The following RNASE2 variants were observed in gnomAD, a reference collection of about 807,000 sequenced individuals.
The protein encoded by RNASE2 is ribonuclease A family member 2.
For missense variants in RNASE2, 170 were observed against 197.9 expected, an observed-to-expected ratio of 0.86 and a Z score of 0.85; for synonymous variants, 67 against 68.9, an observed-to-expected ratio of 0.97 and a Z score of 0.13.
At position 20,955,788 on chromosome 14, in the gene RNASE2, T is replaced by C. The variant is rs1223781670; in HGVS notation, c.17T>C (p.Phe6Ser). 3 of 1,611,036 alleles carry C rather than the reference T, an allele frequency of 1.9e-6. No individual in the cohort carries two copies. The African/African-American group carries it at 4.0e-5, about 22-fold the overall frequency. MVPKL[F>S]TSQICLLLLL... ...ACAGGAAACATGGTTCCAAAACTGTTCACTTCCCAAATTTGTCTGCTTCTT... is the reference window on the plus strand; with the variant it reads ...ACAGGAAACATGGTTCCAAAACTGTCCACTTCCCAAATTTGTCTGCTTCTT... Residue 6 changes from phenylalanine (F) to serine (S), a missense_variant, in exon 2 of 2, where the codon TTC becomes TCC. By Grantham distance (155) the Phe-to-Ser change is radical. Coordinates refer to ENST00000304625, the MANE Select transcript of RNASE2 (RefSeq NM_002934.3).
chr14:20,956,341 G>C lies in RNASE2; in HGVS notation c.*84G>C. The C allele has an allele frequency of 1.9e-6, 3 of 1,557,562 alleles. No individual in the cohort carries two copies. Among genetic ancestry groups the C allele is most frequent in the Non-Finnish European group, 2.6e-6 (3 of 1,150,506 alleles). ...AGATCCCATCTCTCCATATACTTTGGGTATCAGCATCTGTCCTCATCAGTC... is the reference window on the plus strand; with the variant it reads ...AGATCCCATCTCTCCATATACTTTGCGTATCAGCATCTGTCCTCATCAGTC... On this transcript the variant is annotated 3_prime_UTR_variant, in exon 2 of 2. Transcript: ENST00000304625.
rs767324694 is a variant in RNASE2, at chr14:20,956,174, A to G, written c.403A>G (p.Ile135Val). The change falls in exon 2 of 2, where the codon ATA becomes GTA. Residue 135 changes from isoleucine to valine, a missense_variant. Ile to Val is a conservative substitution (Grantham distance 29). Coordinates refer to ENST00000304625, the MANE Select transcript of RNASE2 (RefSeq NM_002934.3). ...GCAGACACCAGCAAACATGTTCTAT[A>G]TAGTTGCATGTGACAACAGAGATCA... ...YAQTPANMFY[I>V]VACDNRDQRR... The G allele has an allele frequency of 6.2e-7, 1 of 1,614,164 alleles. No individual in the cohort carries two copies.
chr14:20,955,552 C>T lies in RNASE2; in HGVS notation c.-6+16C>T. 3.3e-6 allele frequency: 2 copies of T among 602,868 alleles called. No individual in the cohort carries two copies. The highest frequency in any genetic ancestry group is 5.7e-6 in the Non-Finnish European group (2 of 352,502). The allele number at this position is 602,868 out of a possible 1,614,324, so 37.3% of individuals were successfully genotyped here. A position where few individuals can be genotyped will look rare whatever the true frequency, so the allele number is the denominator to read the frequency against. Reference sequence around the variant, plus strand: ...CGGAGACTGGGTAAGTCAACGATCCCCAGAGCTGGGACAGAAGGGGCAGCA... The same window carrying T: ...CGGAGACTGGGTAAGTCAACGATCCTCAGAGCTGGGACAGAAGGGGCAGCA... On this transcript the variant is annotated intron_variant, in intron 1 of 1. Coordinates refer to ENST00000304625, the MANE Select transcript of RNASE2 (RefSeq NM_002934.3).
Position 20,955,990 on chromosome 14 carries a change from A to C in RNASE2, c.219A>C (p.Thr73=). The C allele has an allele frequency of 3.1e-6, 5 of 1,614,192 alleles. No individual in the cohort carries two copies. Among genetic ancestry groups the C allele is most frequent in the Non-Finnish European group, 4.2e-6 (5 of 1,180,036 alleles). ...RCKNQNTFLL[T]TFANVVNVCG... ...AAAACCAAAATACTTTCCTTCTTAC[A>C]ACTTTTGCTAACGTAGTTAATGTTT... Residue 73 remains threonine, a synonymous_variant, in exon 2 of 2, where the codon ACA becomes ACC. Transcript: ENST00000304625.
At chr14:20,955,618 C>T (rs1317202939) in intron 1 of RNASE2, 82 bp downstream of exon 1, 1 of 998,534 alleles carries the variant, frequency 1.0e-6, no homozygotes, top group East Asian at 2.4e-5. Flanking sequence ...GACGTTAGTG[C>T]TTAGGAGACG....
chr14:20,956,054 C>G lies in RNASE2; in HGVS notation c.283C>G (p.Arg95Gly). ...TATGACCTGTCCTAGTAACAAAACTCGCAAAAATTGTCACCACAGTGGAAG... is the reference window on the plus strand; with the variant it reads ...TATGACCTGTCCTAGTAACAAAACTGGCAAAAATTGTCACCACAGTGGAAG... ...PNMTCPSNKT[R>G]KNCHHSGSQV... The change falls in exon 2 of 2, where the codon CGC (arginine) becomes GGC (glycine). Residue 95 changes from arginine (R) to glycine (G), a missense_variant. Transcript: ENST00000304625. The G allele has an allele frequency of 6.2e-7, 1 of 1,614,188 alleles. No individual in the cohort carries two copies. The highest frequency in any genetic ancestry group is 8.5e-7 in the Non-Finnish European group (1 of 1,180,038).
chr14:20,955,871 T>G lies in RNASE2; in HGVS notation c.100T>G (p.Trp34Gly). 1 of 1,614,252 alleles carries G rather than the reference T, an allele frequency of 6.2e-7. No homozygotes were observed. ...CCATGTCAAACCTCCACAGTTTACC[T>G]GGGCTCAATGGTTTGAAACCCAGCA... ...SLHVKPPQFT[W>G]AQWFETQHIN... Residue 34 changes from tryptophan to glycine, a missense_variant, in exon 2 of 2, where the codon TGG becomes GGG. Transcript: ENST00000304625.
chr14:20,955,963 C>T lies in RNASE2; in HGVS notation c.192C>T (p.Cys64=). 1 of 1,614,160 alleles carries T rather than the reference C, an allele frequency of 6.2e-7. No homozygotes were observed. Among genetic ancestry groups the T allele is most frequent in the Non-Finnish European group, 8.5e-7 (1 of 1,180,024 alleles). ...MQVINNYQRR[C]KNQNTFLLTT... is the part of the protein sequence containing the mutation. ...TCATTAACAATTATCAACGGCGATG[C>T]AAAAACCAAAATACTTTCCTTCTTA... The change falls in exon 2 of 2, where the codon TGC becomes TGT. Residue 64 remains cysteine (C), a synonymous_variant. Coordinates refer to ENST00000304625, the MANE Select transcript of RNASE2 (RefSeq NM_002934.3).
Position 20,955,902 on chromosome 14 carries a change from A to G in RNASE2, c.131A>G (p.Asn44Ser). 1 of 1,614,208 alleles carries G rather than the reference A, an allele frequency of 6.2e-7. No homozygotes were observed. The highest frequency in any genetic ancestry group is 8.5e-7 in the Non-Finnish European group (1 of 1,180,044). The change falls in exon 2 of 2, where the codon AAT becomes AGT. Residue 44 changes from asparagine to serine, a missense_variant. Physicochemically the swap from Asn to Ser is conservative, Grantham distance 46. Coordinates refer to ENST00000304625, the MANE Select transcript of RNASE2 (RefSeq NM_002934.3). ...WAQWFETQHI[N>S]MTSQQCTNAM... ...CAATGGTTTGAAACCCAGCACATCA[A>G]TATGACCTCCCAGCAATGCACCAAT...
chr14:20,955,895 C>G lies in RNASE2; in HGVS notation c.124C>G (p.His42Asp). ...FTWAQWFETQ[H>D]INMTSQQCTN... Reference sequence around the variant, plus strand: ...CTGGGCTCAATGGTTTGAAACCCAGCACATCAATATGACCTCCCAGCAATG... The same window carrying G: ...CTGGGCTCAATGGTTTGAAACCCAGGACATCAATATGACCTCCCAGCAATG... Residue 42 changes from histidine to aspartate, a missense_variant, in exon 2 of 2, where the codon CAC becomes GAC. Transcript: ENST00000304625. The G allele has an allele frequency of 6.2e-7, 1 of 1,614,186 alleles. No individual in the cohort carries two copies. The highest frequency in any genetic ancestry group is 8.5e-7 in the Non-Finnish European group (1 of 1,180,044).
At chr14:20,955,661 TG>T (rs1879184547) in intron 1 of RNASE2, 105 bp from the exon 2 acceptor site, 4 of 1,417,638 alleles carry the variant, frequency 2.8e-6, no homozygotes, top group Non-Finnish European at 3.8e-6. Flanking sequence ...GTAAAGGAAA[TG>T]GGACCCCAGA....
Position 20,955,754 on chromosome 14 carries a change from T to C in RNASE2, c.-5-13T>C. The stretch of plus-strand genomic sequence containing the variant: ...CCGATCAGGGAGTAGTTACTTCTCT[T>C]CTTTTCTTACAGGAAACATGGTTCC... On this transcript the variant is annotated splice_polypyrimidine_tract_variant and intron_variant, in intron 1 of 1. Coordinates refer to ENST00000304625, the MANE Select transcript of RNASE2 (RefSeq NM_002934.3). 6.3e-7 allele frequency: 1 copy of C among 1,593,282 alleles called. No homozygotes were observed. The highest frequency in any genetic ancestry group is 1.3e-5 in the African/African-American group (1 of 74,268).
Position 20,956,237 on chromosome 14 carries a change from C to A in RNASE2, c.466C>A (p.His156Asn), listed in dbSNP as rs146887874. Residue 156 changes from histidine (H) to asparagine (N), a missense_variant, in exon 2 of 2, where the codon CAC becomes AAC. By Grantham distance (68) the His-to-Asn change is moderately conservative. Coordinates refer to ENST00000304625, the MANE Select transcript of RNASE2 (RefSeq NM_002934.3). ...TCCACAGTATCCGGTGGTTCCAGTTCACCTGGATAGAATCATCTAAGCTCC... is the reference window on the plus strand; with the variant it reads ...TCCACAGTATCCGGTGGTTCCAGTTAACCTGGATAGAATCATCTAAGCTCC... ...DPPQYPVVPVHLDRII is the reference protein window; with the variant it reads ...DPPQYPVVPVNLDRII 4.9e-4 allele frequency: 784 copies of A among 1,614,102 alleles called. 3 individuals are homozygous for A. The African/African-American group carries it at 9.5e-3, about 19-fold the overall frequency.
chr14:20,955,910 T>G lies in RNASE2; in HGVS notation c.139T>G (p.Ser47Ala). ...TGAAACCCAGCACATCAATATGACC[T>G]CCCAGCAATGCACCAATGCAATGCA... ...WFETQHINMT[S>A]QQCTNAMQVI... The change falls in exon 2 of 2, where the codon TCC (serine) becomes GCC (alanine). Residue 47 changes from serine (S) to alanine (A), a missense_variant. Physicochemically the swap from Ser to Ala is moderately conservative, Grantham distance 99. Coordinates refer to ENST00000304625, the MANE Select transcript of RNASE2 (RefSeq NM_002934.3). 1.9e-6 allele frequency: 3 copies of G among 1,614,134 alleles called. No individual in the cohort carries two copies. Among genetic ancestry groups the G allele is most frequent in the Non-Finnish European group, 2.5e-6 (3 of 1,180,034 alleles).
intron 1 of RNASE2, 105 bp downstream of exon 1, chr14:20,955,641 C>A: frequency 1.6e-6 from 2 of 1,258,018 alleles, no homozygotes; most frequent in Non-Finnish European, 1.1e-6. Context: ...GCACACTTTG[C>A]AGACAGGAAG....
chr14:20,955,944 A>G lies in RNASE2; in HGVS notation c.173A>G (p.Asn58Ser). The change falls in exon 2 of 2, where the codon AAC (asparagine) becomes AGC (serine). Residue 58 changes from asparagine to serine, a missense_variant. Physicochemically the swap from Asn to Ser is conservative, Grantham distance 46 (BLOSUM62 1). Transcript: ENST00000304625. ...TGCACCAATGCAATGCAGGTCATTA[A>G]CAATTATCAACGGCGATGCAAAAAC... The part of the protein sequence containing the change: ...QQCTNAMQVI[N>S]NYQRRCKNQN... The G allele has an allele frequency of 1.2e-6, 2 of 1,614,218 alleles. No homozygotes were observed. The highest frequency in any genetic ancestry group is 1.7e-6 in the Non-Finnish European group (2 of 1,180,048).
Position 20,956,146 on chromosome 14 carries a change from T to C in RNASE2, c.375T>C (p.Tyr125=). 4 of 1,614,152 alleles carry C rather than the reference T, an allele frequency of 2.5e-6. No homozygotes were observed. The highest frequency in any genetic ancestry group is 3.4e-6 in the Non-Finnish European group (4 of 1,180,024). The change falls in exon 2 of 2, where the codon TAT becomes TAC. Residue 125 remains tyrosine, a synonymous_variant. Coordinates refer to ENST00000304625, the MANE Select transcript of RNASE2 (RefSeq NM_002934.3). The part of the protein sequence containing the change: ...PSPQNISNCR[Y]AQTPANMFYI... ...CACAGAATATTTCAAACTGCAGGTA[T>C]GCGCAGACACCAGCAAACATGTTCT... is the stretch of plus-strand genomic sequence containing the variant.
In RNASE2 at chr14:20,956,183, T is replaced by C; in HGVS notation, c.412T>C (p.Cys138Arg). 6.2e-7 allele frequency: 1 copy of C among 1,614,212 alleles called. No individual in the cohort carries two copies. Among genetic ancestry groups the C allele is most frequent in the Non-Finnish European group, 8.5e-7 (1 of 1,180,026 alleles). The change falls in exon 2 of 2, where the codon TGT becomes CGT. Residue 138 changes from cysteine (C) to arginine (R), a missense_variant. By Grantham distance (180) the Cys-to-Arg change is radical (BLOSUM62 -3). Coordinates refer to ENST00000304625, the MANE Select transcript of RNASE2 (RefSeq NM_002934.3). The stretch of plus-strand genomic sequence containing the variant: ...AGCAAACATGTTCTATATAGTTGCA[T>C]GTGACAACAGAGATCAACGACGAGA... Reference protein sequence around the residue: ...TPANMFYIVACDNRDQRRDPP... With the variant: ...TPANMFYIVARDNRDQRRDPP...
rs772719707 is a variant in RNASE2 at position 20,956,335 on chromosome 14, A to G, written c.*78A>G. On this transcript the variant is annotated 3_prime_UTR_variant, in exon 2 of 2. Coordinates refer to ENST00000304625, the MANE Select transcript of RNASE2 (RefSeq NM_002934.3). ...TAGCCAAGATCCCATCTCTCCATAT[A>G]CTTTGGGTATCAGCATCTGTCCTCA... The G allele has an allele frequency of 6.9e-5, 108 of 1,565,632 alleles. No individual in the cohort carries two copies. Among genetic ancestry groups the G allele is most frequent in the Non-Finnish European group, 8.7e-5 (100 of 1,155,588 alleles).
Sources: allele counts gnomAD v4.1 joint callset, GRCh38; gene constraint gnomAD v4.1.1; transcripts MANE v1.5; gene names NCBI Gene and HGNC (gene_info 2026-07-23, HGNC 2026-07-21).